NALF1: variants seen among roughly 807,000 people sequenced by gnomAD.
NALF1 encodes NALCN channel auxiliary factor 1.
NALF1 carries 3 observed loss-of-function variants against 48.4 expected under a neutral mutation model. The observed-to-expected ratio is 0.06, with a 90% CI of 0.03 to 0.16. The LOEUF is 0.16. Ranked by LOEUF, NALF1 falls within the 10% of genes least tolerant of loss-of-function variation. The pLI is 1.00. For missense variants in NALF1, 526 were observed against 571.5 expected (o/e 0.92, Z 0.81); for synonymous variants, 262 against 245.7 (o/e 1.07, Z -0.62).
chr13:107,550,933 T>C (rs1877275355), intron 1 of NALF1, among the ~76,000 whole-genome samples: 1 of 152,128 alleles, frequency 6.6e-6, no homozygotes, highest in Non-Finnish European at 1.5e-5. Context: ...TGTGCTGTTG[T>C]TTCCCCTTTA....
chr13:107,211,361 G>GCAGA (rs1049244914), intron 1 of NALF1, among the ~76,000 whole-genome samples: 10 of 152,350 alleles, frequency 6.6e-5, no homozygotes, highest in African/African-American at 2.2e-4. Context: ...CCGACATAGA[G>GCAGA]CAGACATCAT....
At chr13:107,526,405 T>C (rs1876443310) in intron 1 of NALF1, among the ~76,000 whole-genome samples, 1 of 152,186 alleles carries the variant, frequency 6.6e-6, no homozygotes, top group Non-Finnish European at 1.5e-5. Flanking sequence ...GATTGTTTTA[T>C]GTTATCTATG....
At chr13:107,440,443 A>G (rs1411217709) in intron 1 of NALF1, among the ~76,000 whole-genome samples, 1 of 152,178 alleles carries the variant, frequency 6.6e-6, no homozygotes, top group African/African-American at 2.4e-5. Context: ...TCATTTATTC[A>G]ACAAATAGTT....
intron 1 of NALF1, among the ~76,000 whole-genome samples, chr13:107,358,446 T>A (rs1555334163): frequency 6.6e-6 from 1 of 152,116 alleles, no homozygotes; most frequent in Non-Finnish European, 1.5e-5. Flanking sequence ...ACAGACCCCA[T>A]CAAAATATAT....
chr13:107,761,165 G>C (rs1877251716), intron 1 of NALF1, among the ~76,000 whole-genome samples: 1 of 152,098 alleles, frequency 6.6e-6, no homozygotes, highest in Non-Finnish European at 1.5e-5. Context: ...AGACCATTCT[G>C]GCTAACACGG....
In NALF1 at chr13:107,573,029, A is replaced by G. The variant is rs1442261367; in HGVS notation, c.915+292653T>C. 2.0e-5 allele frequency among the ~76,000 whole-genome samples: 3 copies of G among 151,946 alleles called. No individual in the cohort carries two copies. In the East Asian group the frequency reaches 5.8e-4, roughly 30 times the overall value. Reference sequence around the variant, plus strand: ...GCTCCCCACTGTCCACCCTGCAACCATCCGGGACTCTTCCTTGCTCTTCTT... The same window carrying G: ...GCTCCCCACTGTCCACCCTGCAACCGTCCGGGACTCTTCCTTGCTCTTCTT... On this transcript the variant is annotated intron_variant, in intron 1 of 2. Coordinates refer to ENST00000375915, the MANE Select transcript of NALF1 (RefSeq NM_001080396.3).
intron 2 of NALF1, among the ~76,000 whole-genome samples, chr13:107,186,144 G>GA (rs1879166122): frequency 6.6e-6 from 1 of 152,088 alleles, no homozygotes; most frequent in African/African-American, 2.4e-5. Flanking sequence ...TTATCAGACT[G>GA]AAAAAATATA....
chr13:107,756,994 A>G (rs2052135157), intron 1 of NALF1, among the ~76,000 whole-genome samples: 1 of 152,188 alleles, frequency 6.6e-6, no homozygotes, highest in South Asian at 2.1e-4. Context: ...CATTGTAAAT[A>G]TTAGCTCAAG....
At chr13:107,840,121 G>A (rs904116811) in intron 1 of NALF1, among the ~76,000 whole-genome samples, 8 of 152,116 alleles carry the variant, frequency 5.3e-5, no homozygotes, top group Non-Finnish European at 1.0e-4. Context: ...ATTTCTTCAC[G>A]CATTCAATCA....
Position 107,165,379 on chromosome 13 carries a change from G to A in NALF1, c.*5118C>T, listed in dbSNP as rs949062802. The A allele has an allele frequency of 2.0e-5, 3 of 152,090 alleles. No individual in the cohort carries two copies. The highest frequency in any genetic ancestry group is 7.2e-5 in the African/African-American group (3 of 41,398). 9.4% of individuals were successfully genotyped at this position (152,090 alleles called of 1,614,324 possible). On this transcript the variant is annotated 3_prime_UTR_variant, in exon 3 of 3. Coordinates refer to ENST00000375915, the MANE Select transcript of NALF1 (RefSeq NM_001080396.3). ...AGACCTAGGGATCCCACTGTGCCTC[G>A]GAGCCAGCTTGTGTAATTTGTAATC...
chr13:107,302,661 A>G (rs1304771788), intron 1 of NALF1, among the ~76,000 whole-genome samples: 2 of 152,238 alleles, frequency 1.3e-5, no homozygotes, highest in African/African-American at 4.8e-5. Flanking sequence ...AAATGAAAAA[A>G]AATTAATAAA....
chr13:107,373,748 G>GC (rs1555296562), intron 1 of NALF1, among the ~76,000 whole-genome samples: 1 of 151,206 alleles, frequency 6.6e-6, no homozygotes, highest in Non-Finnish European at 1.5e-5. Flanking sequence ...TTTTGTTTTC[G>GC]TTTTTTTTGG....
At chr13:107,246,958 T>A (rs971845682) in intron 1 of NALF1, among the ~76,000 whole-genome samples, 2 of 152,178 alleles carry the variant, frequency 1.3e-5, no homozygotes, top group Admixed American at 6.5e-5. Flanking sequence ...TCCATTGGAG[T>A]ACTTTTATTT....
intron 1 of NALF1, among the ~76,000 whole-genome samples, chr13:107,665,838 C>G (rs1245680697): frequency 6.6e-6 from 1 of 152,088 alleles, no homozygotes; most frequent in African/African-American, 2.4e-5. Context: ...AACATGAGCT[C>G]CATCAAGGTC....
chr13:107,569,395 C>T (rs1877915320), intron 1 of NALF1, among the ~76,000 whole-genome samples: 1 of 151,966 alleles, frequency 6.6e-6, no homozygotes, highest in Non-Finnish European at 1.5e-5. Flanking sequence ...TGACGTGAAC[C>T]CGGGGGGCGG....
At chr13:107,455,385 G>A (rs1824931539) in intron 1 of NALF1, among the ~76,000 whole-genome samples, 1 of 152,028 alleles carries the variant, frequency 6.6e-6, no homozygotes, top group African/African-American at 2.4e-5. Flanking sequence ...TAGTTTCAGA[G>A]CATGTTTAGT....
chr13:107,311,024 G>C (rs1224166928), intron 1 of NALF1, among the ~76,000 whole-genome samples: 1 of 152,014 alleles, frequency 6.6e-6, no homozygotes, highest in African/African-American at 2.4e-5. Context: ...AATATGGCTA[G>C]GGAAAAAAAG....
At chr13:107,305,610 C>T (rs1417383246) in intron 1 of NALF1, among the ~76,000 whole-genome samples, 2 of 152,160 alleles carry the variant, frequency 1.3e-5, no homozygotes, top group Non-Finnish European at 2.9e-5. Flanking sequence ...GAGTCCCATA[C>T]AATGTCATGG....
At chr13:107,678,277 C>T (rs138841413) in intron 1 of NALF1, among the ~76,000 whole-genome samples, 25 of 152,162 alleles carry the variant, frequency 1.6e-4, no homozygotes, top group African/African-American at 9.6e-5. Flanking sequence ...AGCGTATGGC[C>T]GGCAGGAGGT....
Sources: allele counts gnomAD v4.1 joint callset (sites outside exome capture counted in the v4.1 genomes callset), GRCh38; gene constraint gnomAD v4.1.1; transcripts MANE v1.5; gene names NCBI Gene and HGNC (gene_info 2026-07-23, HGNC 2026-07-21).